Variants in TTC7A observed in about 807,000 individuals in gnomAD.
TTC7A encodes tetratricopeptide repeat protein 7A.
TTC7A carries 110 observed loss-of-function variants against 103.7 expected under a neutral mutation model. That is an observed-to-expected ratio of 1.06 (90% CI 0.91 to 1.24). The LOEUF is 1.24. Among genes scored for constraint, TTC7A ranks in the 50% most tolerant of loss-of-function variants. The probability of loss-of-function intolerance (pLI) is 0.00; values close to 1 mark genes in which losing one functional copy is unlikely to be tolerated. For missense variants in TTC7A, 1,340 were observed against 1,116.3 expected, an observed-to-expected ratio of 1.20 and a Z score of -2.86; for synonymous variants, 521 against 467.9, an observed-to-expected ratio of 1.11 and a Z score of -1.47.
chr2:47,053,433 A>G (rs185596100), intron 18 of TTC7A, among the ~76,000 whole-genome samples: 253 of 152,352 alleles, frequency 1.7e-3, no homozygotes, highest in African/African-American at 5.6e-3. Flanking sequence ...TAACACAGTG[A>G]TCAGATTCTG....
intron 18 of TTC7A, among the ~76,000 whole-genome samples, chr2:47,057,246 C>G (rs1193767575): frequency 6.6e-6 from 1 of 152,234 alleles, no homozygotes; most frequent in East Asian, 1.9e-4. Context: ...TGGGCACTGT[C>G]TGCCAGGCTG....
chr2:47,056,189 T>C (rs1683297325), intron 18 of TTC7A, among the ~76,000 whole-genome samples: 1 of 152,196 alleles, frequency 6.6e-6, no homozygotes, highest in Non-Finnish European at 1.5e-5. Context: ...CCCCTTGATC[T>C]TCACTCTCCT....
At position 46,986,517 on chromosome 2, in the gene TTC7A, GA is replaced by G. The variant is rs1195741646; in HGVS notation, c.765-6930del. ...TCAGGCAGTGCTCTGTGCTGGGGGG[GA>G]AAGAGGCAGAGAGGTGGGGGTGCTG... On this transcript the variant is annotated intron_variant, in intron 5 of 19. Coordinates refer to ENST00000319190, the MANE Select transcript of TTC7A (RefSeq NM_020458.4). Among the ~76,000 whole-genome samples, 3 of 151,848 alleles carry G rather than the reference GA, an allele frequency of 2.0e-5. 1 individual carries two copies. The highest frequency in any genetic ancestry group is 7.2e-5 in the African/African-American group (3 of 41,482).
intron 10 of TTC7A, among the ~76,000 whole-genome samples, chr2:47,009,013 G>C (rs1464444933): frequency 6.6e-6 from 1 of 152,108 alleles, no homozygotes; most frequent in African/African-American, 2.4e-5. Flanking sequence ...GAATGCAGAG[G>C]GTCAGGGTTA....
chr2:46,941,742 G>T lies in TTC7A; in HGVS notation c.184+17G>T. ...CGGACACCGGTGAGTAAGGGAAGAG[G>T]CTGGCTCGCCGGCAGCGAGCGCGCG... On this transcript the variant is annotated intron_variant, in intron 1 of 19. Coordinates refer to ENST00000319190, the MANE Select transcript of TTC7A (RefSeq NM_020458.4). This position sits in a 1 kb window ranked among gnomAD's most constrained non-coding sequence, Gnocchi z 4.2. 6.5e-7 allele frequency: 1 copy of T among 1,548,316 alleles called. No individual in the cohort carries two copies. The highest frequency in any genetic ancestry group is 8.7e-7 in the Non-Finnish European group (1 of 1,146,190).
intron 3 of TTC7A, among the ~76,000 whole-genome samples, chr2:46,972,706 C>A (rs535776324): frequency 6.6e-6 from 1 of 152,330 alleles, no homozygotes; most frequent in East Asian, 1.9e-4. Flanking sequence ...AGGCAGAGAC[C>A]TGAGCATGGG....
intron 15 of TTC7A, among the ~76,000 whole-genome samples, chr2:47,035,873 G>A (rs1681046783): frequency 6.6e-6 from 1 of 152,194 alleles, no homozygotes; most frequent in African/African-American, 2.4e-5. Context: ...CCTCTCCTCT[G>A]CAGTGGGAGA....
At chr2:47,042,265 G>A (rs1681834195) in intron 15 of TTC7A, among the ~76,000 whole-genome samples, 1 of 152,242 alleles carries the variant, frequency 6.6e-6, no homozygotes, top group African/African-American at 2.4e-5. Context: ...GCTTTGGGAG[G>A]TTGAGGCAGG....
intron 10 of TTC7A, among the ~76,000 whole-genome samples, chr2:47,010,072 C>T (rs950291053): frequency 1.3e-5 from 2 of 152,044 alleles, no homozygotes; most frequent in Non-Finnish European, 2.9e-5. Flanking sequence ...CTGACTTCTC[C>T]GCATTTCAGT....
At chr2:46,920,869 G>A (rs1301807289) in intron 2 of TTC7A, among the ~76,000 whole-genome samples, 1 of 151,480 alleles carries the variant, frequency 6.6e-6, no homozygotes, top group Non-Finnish European at 1.5e-5. Flanking sequence ...CAAAACTTCA[G>A]AGTTATTTTC....
At position 47,022,467 on chromosome 2, in the gene TTC7A, C is replaced by T. The variant is rs191600873; in HGVS notation, c.1510+488C>T. On this transcript the variant is annotated intron_variant, in intron 12 of 19. Coordinates refer to ENST00000319190, the MANE Select transcript of TTC7A (RefSeq NM_020458.4). ...CAGGTGCTTAGTAACTACTTGTGCTCGGCTAATGGATTCTGCTCCTTCCTG... is the reference window on the plus strand; with the variant it reads ...CAGGTGCTTAGTAACTACTTGTGCTTGGCTAATGGATTCTGCTCCTTCCTG... Among the ~76,000 whole-genome samples, 7 of 152,312 alleles carry T rather than the reference C, an allele frequency of 4.6e-5. No homozygotes were observed. The South Asian group carries it at 6.2e-4, about 14-fold the overall frequency.
chr2:47,017,025 C>T (rs1678731822), intron 11 of TTC7A, among the ~76,000 whole-genome samples: 1 of 151,700 alleles, frequency 6.6e-6, no homozygotes, highest in African/African-American at 2.4e-5. Context: ...ATGGTGAAAC[C>T]CCATCTCTAC....
At chr2:46,978,999 C>A in intron 5 of TTC7A, 92 bp downstream of exon 5, 3 of 816,334 alleles carry the variant, frequency 3.7e-6, no homozygotes, top group Admixed American at 2.0e-5. Context: ...TCTTCTCTGG[C>A]CTGTGCATAC....
intron 18 of TTC7A, among the ~76,000 whole-genome samples, chr2:47,053,376 G>A (rs891887174): frequency 2.6e-5 from 4 of 152,206 alleles, no homozygotes; most frequent in African/African-American, 9.6e-5. Flanking sequence ...AGCCCCCACA[G>A]CTTCGCACCC....
chr2:46,933,370 C>G (rs1039295824), intron 2 of TTC7A, among the ~76,000 whole-genome samples: 2 of 152,176 alleles, frequency 1.3e-5, no homozygotes, highest in Admixed American at 1.3e-4. Flanking sequence ...TTCTGAGATT[C>G]TAAAATTAAT....
chr2:46,982,151 T>A (rs959230898), intron 5 of TTC7A, among the ~76,000 whole-genome samples: 1 of 152,080 alleles, frequency 6.6e-6, no homozygotes, highest in African/African-American at 2.4e-5. Flanking sequence ...GGTGGGAGGA[T>A]CGCTTGAGTC....
intron 3 of TTC7A, chr2:46,958,695 T>A: frequency 4.2e-6 from 2 of 476,952 alleles, no homozygotes; most frequent in South Asian, 1.9e-5. Context: ...TGACCACGCC[T>A]GCTGCCCGGC....
chr2:46,953,674 G>C (rs529019419), intron 2 of TTC7A, among the ~76,000 whole-genome samples: 1 of 152,304 alleles, frequency 6.6e-6, no homozygotes, highest in African/African-American at 2.4e-5. Context: ...CAGCTCAGTT[G>C]TGTGGAGATC....
Position 47,006,198 on chromosome 2 carries a change from C to G in TTC7A, c.1203+139C>G, listed in dbSNP as rs1677360875. 5 of 1,166,006 alleles carry G rather than the reference C, an allele frequency of 4.3e-6. No homozygotes were observed. In the East Asian group the frequency reaches 1.3e-4, roughly 29 times the overall value. 72.2% of individuals were successfully genotyped at this position (1,166,006 alleles called of 1,614,324 possible). A position where few individuals can be genotyped will look rare whatever the true frequency, so the allele number is the denominator to read the frequency against. Reference sequence around the variant, plus strand: ...GCCGCTTTGACCTCGGCAAGTTGTACAAGTCTCAGCTTCCTCATTGGTGAA... The same window carrying G: ...GCCGCTTTGACCTCGGCAAGTTGTAGAAGTCTCAGCTTCCTCATTGGTGAA... On this transcript the variant is annotated intron_variant, in intron 9 of 19. Transcript: ENST00000319190.
Sources: gnomAD v4.1 joint callset for allele counts (sites outside exome capture counted in the v4.1 genomes callset) on GRCh38, gnomAD v4.1.1 for gene constraint, Gnocchi (gnomAD v3.1) non-coding constraint, MANE v1.5 for transcripts, NCBI Gene and HGNC (gene_info 2026-07-23, HGNC 2026-07-21) for gene names.